NAALADL1: variants seen among roughly 807,000 people sequenced by gnomAD.
NAALADL1 encodes N-acetylated alpha-linked acidic dipeptidase like 1.
Under a neutral mutation model 82.8 loss-of-function variants are expected in NAALADL1, and 77 were observed. The observed-to-expected ratio is 0.93, with a 90% confidence interval of 0.77 to 1.12. The LOEUF (loss-of-function observed/expected upper bound fraction) is 1.12, where lower values mean the gene tolerates loss of function less well. Among genes scored for constraint, NAALADL1 ranks in the 50% most tolerant of loss-of-function variants. The pLI, the probability that NAALADL1 is intolerant of heterozygous loss-of-function variation, is 0.00. For synonymous variants in NAALADL1, 358 were observed against 399.2 expected (o/e 0.90, Z 1.23); for missense variants, 956 against 964.0 (o/e 0.99, Z 0.11).
chr11:65,048,221 G>C lies in NAALADL1; in HGVS notation c.1285-6C>G, dbSNP rs1268488775. On this transcript the variant is annotated splice_polypyrimidine_tract_variant and splice_region_variant and intron_variant, in intron 9 of 17. Transcript: ENST00000358658. ...TGCAGCTTGTTGAAGAACTCCTGCG[G>C]GTGCGAGGGGCGACGTCAGCCCCGC... 1.2e-6 allele frequency: 2 copies of C among 1,613,804 alleles called. No homozygotes were observed. The highest frequency in any genetic ancestry group is 1.3e-5 in the African/African-American group (1 of 74,834).
At position 65,053,270 on chromosome 11, in the gene NAALADL1, G is replaced by C. The variant is rs1216187448; in HGVS notation, c.1146C>G (p.Gly382=). ...WVHGAVDPSS[G]TAVLLELSRV... The stretch of plus-strand genomic sequence containing the variant: ...GGGAGAGCTCCAGGAGGACGGCGGT[G>C]CCACTGCTGGGGTCCACAGCCCCGT... Residue 382 remains glycine (G), a synonymous_variant, in exon 8 of 18, where the codon GGC becomes GGG. Coordinates refer to ENST00000358658, the MANE Select transcript of NAALADL1 (RefSeq NM_005468.3). The surrounding 1 kb of genome is among the most constrained non-coding windows in gnomAD (Gnocchi z 4.3). 2 of 1,555,700 alleles carry C rather than the reference G, an allele frequency of 1.3e-6. No individual in the cohort carries two copies. The highest frequency in any genetic ancestry group is 1.7e-6 in the Non-Finnish European group (2 of 1,149,894).
At chr11:65,047,432 T>C (rs1201757518) in intron 13 of NAALADL1, 43 bp downstream of exon 13, 7 of 1,508,698 alleles carry the variant, frequency 4.6e-6, no homozygotes, top group Non-Finnish European at 6.3e-6. Flanking sequence ...AGGGGGCGCA[T>C]GCAGCAAGGT....
chr11:65,057,489 A>G lies in NAALADL1; in HGVS notation c.485T>C (p.Leu162Pro), dbSNP rs1256341586. The stretch of plus-strand genomic sequence containing the variant: ...CGCGCCCCGGTTGGCATAGACGAGG[A>G]GGCCCTAGTCCCAAGAGGGGGTGAT... ...AYAPSGTPQG[L>P]LVYANRGAEE... The change falls in exon 4 of 18, where the codon CTC becomes CCC. Residue 162 changes from leucine to proline, a missense_variant. Transcript: ENST00000358658. 1 of 1,613,104 alleles carries G rather than the reference A, an allele frequency of 6.2e-7. No homozygotes were observed. The highest frequency in any genetic ancestry group is 1.7e-5 in the Admixed American group (1 of 59,884).
intron 4 of NAALADL1, among the ~76,000 whole-genome samples, chr11:65,055,328 T>C (rs1947009061): frequency 6.6e-6 from 1 of 152,034 alleles, no homozygotes; most frequent in Non-Finnish European, 1.5e-5. Flanking sequence ...TCCCAGCTAT[T>C]TGGGAGGCTG....
In NAALADL1 at chr11:65,045,214, G is replaced by T; in HGVS notation, c.*57C>A. Reference sequence around the variant, plus strand: ...CACCAAGGAAGACCAGGACATCTCAGGAAAGCAGGCAGGAGAGGGTTGGAG... The same window carrying T: ...CACCAAGGAAGACCAGGACATCTCATGAAAGCAGGCAGGAGAGGGTTGGAG... On this transcript the variant is annotated 3_prime_UTR_variant, in exon 18 of 18. Transcript: ENST00000358658. 7 of 1,565,422 alleles carry T rather than the reference G, an allele frequency of 4.5e-6. No homozygotes were observed. The highest frequency in any genetic ancestry group is 6.1e-6 in the Non-Finnish European group (7 of 1,152,142).
chr11:65,046,335 C>T lies in NAALADL1; in HGVS notation c.1709G>A (p.Arg570Gln), dbSNP rs565869135. 2.8e-5 allele frequency: 46 copies of T among 1,614,092 alleles called. 1 individual carries two copies. The highest frequency in any genetic ancestry group is 8.0e-5 in the African/African-American group (6 of 74,930). ...PGFSSHQAVA[R>Q]TAGSVILRLS... ...CCGGAGAATCACACTCCCCGCTGTCCGGGCCACAGCCTGATGGCTGCTGAA... is the reference window on the plus strand; with the variant it reads ...CCGGAGAATCACACTCCCCGCTGTCTGGGCCACAGCCTGATGGCTGCTGAA... The change falls in exon 15 of 18, where the codon CGG (arginine) becomes CAG (glutamine). Residue 570 changes from arginine to glutamine, a missense_variant. Physicochemically the swap from Arg to Gln is conservative, Grantham distance 43. Transcript: ENST00000358658.
Position 65,053,350 on chromosome 11 carries a change from A to G in NAALADL1, c.1079-13T>C. ...AGCACGTAGCGATCTGGCCAGAGGAAAAGGGGCAGAGAACCAGAGGAGAGG... is the reference window on the plus strand; with the variant it reads ...AGCACGTAGCGATCTGGCCAGAGGAGAAGGGGCAGAGAACCAGAGGAGAGG... On this transcript the variant is annotated splice_polypyrimidine_tract_variant and intron_variant, in intron 7 of 17. Coordinates refer to ENST00000358658, the MANE Select transcript of NAALADL1 (RefSeq NM_005468.3). The surrounding 1 kb of genome is among the most constrained non-coding windows in gnomAD (Gnocchi z 4.3). 1 of 1,595,658 alleles carries G rather than the reference A, an allele frequency of 6.3e-7. No homozygotes were observed. Among genetic ancestry groups the G allele is most frequent in the Non-Finnish European group, 8.5e-7 (1 of 1,171,492 alleles).
chr11:65,047,797 C>T (rs1009318894), intron 11 of NAALADL1, 59 bp from the exon 12 acceptor site: 5 of 1,530,432 alleles, frequency 3.3e-6, no homozygotes, highest in South Asian at 1.2e-5. Flanking sequence ...AACAACAGGG[C>T]GGGTTCTCCA....
rs373461843 is a variant in NAALADL1, at chr11:65,053,527, T to A, written c.1042A>T (p.Asn348Tyr). 3.3e-5 allele frequency: 54 copies of A among 1,613,330 alleles called. No individual in the cohort carries two copies. In the East Asian group the frequency reaches 8.3e-4, roughly 25 times the overall value. ...YNRLELRNSS[N>Y]VLGIIRGAVE... ...GCCCCACGGATGATGCCCAGGACGT[T>A]GGAAGAGTTCCTCAGCTCCAGGCGG... Residue 348 changes from asparagine (N) to tyrosine (Y), a missense_variant, in exon 7 of 18, where the codon AAC becomes TAC. Transcript: ENST00000358658. The surrounding 1 kb of genome is among the most constrained non-coding windows in gnomAD (Gnocchi z 4.3).
intron 10 of NAALADL1, 50 bp downstream of exon 10, chr11:65,048,102 C>A: frequency 6.2e-7 from 1 of 1,614,044 alleles, no homozygotes; most frequent in Non-Finnish European, 8.5e-7. Flanking sequence ...CTTTTACCCA[C>A]CCAGTCGTCC....
In NAALADL1 at chr11:65,045,412, C is replaced by A. The variant is rs748746946; in HGVS notation, c.2082G>T (p.Pro694=). 7 of 1,612,994 alleles carry A rather than the reference C, an allele frequency of 4.3e-6. No homozygotes were observed. The East Asian group carries it at 1.3e-4, about 31-fold the overall frequency. The change falls in exon 18 of 18, where the codon CCG becomes CCT. Residue 694 remains proline, a synonymous_variant. Coordinates refer to ENST00000358658, the MANE Select transcript of NAALADL1 (RefSeq NM_005468.3). ...CCCTGGAGCAGGCATTGGATAGGCC[C>A]GGGAATGTGACTACGGAGCCCGTGC... ...APRTGSVVTF[P]GLSNACSRAR...
intron 13 of NAALADL1, 89 bp from the exon 14 acceptor site, chr11:65,046,615 C>T: frequency 1.5e-6 from 2 of 1,303,720 alleles, no homozygotes; most frequent in Non-Finnish European, 2.2e-6. Context: ...TGGGCATTAT[C>T]TCCACTGAAT....
In NAALADL1 at chr11:65,053,176, C is replaced by CG. The variant is rs1565234539; in HGVS notation, c.1198+41dup. The CG allele has an allele frequency of 6.7e-7, 1 of 1,497,382 alleles. No homozygotes were observed. The highest frequency in any genetic ancestry group is 1.3e-5 in the South Asian group (1 of 76,238). 92.8% of individuals were successfully genotyped at this position (1,497,382 alleles called of 1,614,324 possible). On this transcript the variant is annotated intron_variant, in intron 8 of 17. Coordinates refer to ENST00000358658, the MANE Select transcript of NAALADL1 (RefSeq NM_005468.3). This position sits in a 1 kb window ranked among gnomAD's most constrained non-coding sequence, Gnocchi z 4.3. ...GGAGGTGGAACAGGAAGGGGACCTC[C>CG]GGGGGCGAAGGTCCCTGGTCCAGGG... is the stretch of plus-strand genomic sequence containing the variant.
intron 13 of NAALADL1, 102 bp from the exon 14 acceptor site, chr11:65,046,628 T>C: frequency 1.7e-6 from 2 of 1,171,858 alleles, no homozygotes; most frequent in Non-Finnish European, 2.5e-6. Context: ...CACTGAATCT[T>C]GGCCATGTCT....
chr11:65,049,745 C>T (rs1431341589), intron 8 of NAALADL1, among the ~76,000 whole-genome samples: 1 of 152,130 alleles, frequency 6.6e-6, no homozygotes, highest in Non-Finnish European at 1.5e-5. Flanking sequence ...GTGGCGCACA[C>T]ACCTGTAGTC....
At position 65,053,655 on chromosome 11, in the gene NAALADL1, G is replaced by A. The variant is rs964275105; in HGVS notation, c.993-79C>T. 1.5e-5 allele frequency: 20 copies of A among 1,307,234 alleles called. No homozygotes were observed. Among genetic ancestry groups the A allele is most frequent in the Admixed American group, 5.0e-5 (2 of 40,152 alleles). The allele number at this position is 1,307,234 out of a possible 1,614,324, so 81.0% of individuals were successfully genotyped here. A position where few individuals can be genotyped will look rare whatever the true frequency, so the allele number is the denominator to read the frequency against. On this transcript the variant is annotated intron_variant, in intron 6 of 17. Transcript: ENST00000358658. This position sits in a 1 kb window ranked among gnomAD's most constrained non-coding sequence, Gnocchi z 4.3. ...CCCAGTGCAGGAGACACTGAGGCCC[G>A]GAGCTGGAAAGTGACGTGGCAAGGC...
intron 4 of NAALADL1, among the ~76,000 whole-genome samples, chr11:65,055,831 T>C (rs1947023293): frequency 6.6e-6 from 1 of 151,922 alleles, no homozygotes; most frequent in Non-Finnish European, 1.5e-5. Context: ...TCTTCCTTCC[T>C]TTCTCTCCAC....
Position 65,047,970 on chromosome 11 carries a change from C to T in NAALADL1, c.1416+11G>A, listed in dbSNP as rs756601437. On this transcript the variant is annotated intron_variant, in intron 11 of 17. Coordinates refer to ENST00000358658, the MANE Select transcript of NAALADL1 (RefSeq NM_005468.3). ...AGCTAGTTCAGCCCCGCCCGGCCTG[C>T]CCCCTTCCACCTCTTTGGTTGCAGA... 4 of 1,601,406 alleles carry T rather than the reference C, an allele frequency of 2.5e-6. No homozygotes were observed. The highest frequency in any genetic ancestry group is 2.3e-5 in the East Asian group (1 of 44,206).
At chr11:65,049,966 C>A (rs527839538) in intron 8 of NAALADL1, among the ~76,000 whole-genome samples, 1 of 151,624 alleles carries the variant, frequency 6.6e-6, no homozygotes, top group South Asian at 2.1e-4. Flanking sequence ...ACCTCTGCCC[C>A]CCAGGTTCAA....
Sources: gnomAD v4.1 joint callset for allele counts (sites outside exome capture counted in the v4.1 genomes callset) on GRCh38, gnomAD v4.1.1 for gene constraint, Gnocchi (gnomAD v3.1) non-coding constraint, MANE v1.5 for transcripts, NCBI Gene and HGNC (gene_info 2026-07-23, HGNC 2026-07-21) for gene names.